Variants in MAP2 observed in about 807,000 individuals in gnomAD.
The protein encoded by MAP2 is microtubule-associated protein 2.
A neutral mutation model predicts 137.6 loss-of-function variants in MAP2; 14 were observed. That is an observed-to-expected ratio of 0.10 (90% CI 0.07 to 0.16). The LOEUF (loss-of-function observed/expected upper bound fraction) is 0.16. Among genes scored for constraint, MAP2 ranks in the 10% least tolerant of loss-of-function variants. The pLI is 1.00. For missense variants in MAP2, 2,088 were observed against 2,191.5 expected, an observed-to-expected ratio of 0.95 and a Z score of 0.94; for synonymous variants, 786 against 782.3, an observed-to-expected ratio of 1.00 and a Z score of -0.08.
intron 1 of MAP2, among the ~76,000 whole-genome samples, chr2:209,502,004 A>T (rs769546948): frequency 6.6e-6 from 1 of 151,900 alleles, no homozygotes; most frequent in Non-Finnish European, 1.5e-5. Context: ...AGTGTGCAAC[A>T]TGTTTTGATA....
intron 3 of MAP2, among the ~76,000 whole-genome samples, chr2:209,619,509 T>C (rs936778789): frequency 6.6e-6 from 1 of 152,154 alleles, no homozygotes; most frequent in Admixed American, 6.5e-5. Context: ...TCTTCAGCTA[T>C]ATTCTGATGC....
chr2:209,641,942 G>A (rs915462144), intron 4 of MAP2, among the ~76,000 whole-genome samples: 2 of 152,134 alleles, frequency 1.3e-5, no homozygotes, highest in Non-Finnish European at 2.9e-5. Flanking sequence ...GTTATCTGGA[G>A]TGGATTCTCT....
intron 3 of MAP2, among the ~76,000 whole-genome samples, chr2:209,590,342 ATT>A (rs555933816): frequency 1.3e-5 from 2 of 150,718 alleles, no homozygotes; most frequent in Non-Finnish European, 1.5e-5. Context: ...CAAATTAAGA[ATT>A]TTTTTTTTGA....
At chr2:209,540,650 AAAAAAAAAAAAAG>A (rs1380471852) in intron 2 of MAP2, among the ~76,000 whole-genome samples, 1 of 146,592 alleles carries the variant, frequency 6.8e-6, no homozygotes, top group Non-Finnish European at 1.5e-5. Flanking sequence ...AAAAAAAAAA[AAAAAAAAAAAAAG>A]AAGAAAAGAA....
At chr2:209,447,221 G>T (rs1699283662) in intron 1 of MAP2, among the ~76,000 whole-genome samples, 1 of 151,924 alleles carries the variant, frequency 6.6e-6, no homozygotes, top group Non-Finnish European at 1.5e-5. Flanking sequence ...TCATTAAATT[G>T]ATCATGAACT....
intron 4 of MAP2, among the ~76,000 whole-genome samples, chr2:209,645,357 C>A (rs1272738830): frequency 3.9e-5 from 6 of 151,974 alleles, no homozygotes; most frequent in Non-Finnish European, 8.8e-5. Context: ...TATAATAAGT[C>A]ATTTATCATT....
chr2:209,547,570 A>G (rs559865324), intron 2 of MAP2, among the ~76,000 whole-genome samples: 5 of 152,296 alleles, frequency 3.3e-5, no homozygotes, highest in African/African-American at 1.2e-4. Context: ...ATGAATATCA[A>G]TATTGAAGGT....
chr2:209,550,005 A>C (rs1222000820), intron 2 of MAP2, among the ~76,000 whole-genome samples: 3 of 152,220 alleles, frequency 2.0e-5, no homozygotes, highest in African/African-American at 7.2e-5. Flanking sequence ...GCAAAGTGAC[A>C]ATATAGTTTG....
At chr2:209,712,663 A>G (rs1232583106) in intron 13 of MAP2, among the ~76,000 whole-genome samples, 6 of 152,196 alleles carry the variant, frequency 3.9e-5, no homozygotes, top group South Asian at 2.1e-4. Context: ...TAGGAAAAAC[A>G]TATCATTCAA....
At chr2:209,727,834 A>G (rs952431218) in intron 14 of MAP2, among the ~76,000 whole-genome samples, 11 of 152,342 alleles carry the variant, frequency 7.2e-5, no homozygotes, top group Non-Finnish European at 1.5e-4. Flanking sequence ...TAACAGTTGC[A>G]TAAGAATTTC....
At chr2:209,571,205 T>C (rs1358609357) in intron 2 of MAP2, among the ~76,000 whole-genome samples, 1 of 151,938 alleles carries the variant, frequency 6.6e-6, no homozygotes, top group East Asian at 1.9e-4. Flanking sequence ...TCCTAAAACT[T>C]ATGAATGAAG....
intron 1 of MAP2, among the ~76,000 whole-genome samples, chr2:209,441,290 T>C (rs1333032752): frequency 6.6e-6 from 1 of 151,260 alleles, no homozygotes; most frequent in Non-Finnish European, 1.5e-5. Flanking sequence ...TTTTCTTCAC[T>C]AATGTACATA....
chr2:209,528,785 T>C (rs1445147890), intron 2 of MAP2, among the ~76,000 whole-genome samples: 1 of 142,012 alleles, frequency 7.0e-6, no homozygotes, highest in Non-Finnish European at 1.5e-5. Context: ...TACATATGTA[T>C]GTATATATGT....
At chr2:209,649,364 G>A (rs543111422) in intron 4 of MAP2, among the ~76,000 whole-genome samples, 1 of 152,104 alleles carries the variant, frequency 6.6e-6, no homozygotes, top group African/African-American at 2.4e-5. Context: ...AGAGATTTGG[G>A]TAAAAATAAT....
chr2:209,593,837 T>C (rs1256784971), intron 3 of MAP2, among the ~76,000 whole-genome samples: 2 of 103,822 alleles, frequency 1.9e-5, no homozygotes, highest in Non-Finnish European at 3.6e-5. Flanking sequence ...ATTTATATTA[T>C]ATTATAATAT....
intron 2 of MAP2, among the ~76,000 whole-genome samples, chr2:209,546,061 T>C (rs2067995696): frequency 6.6e-6 from 1 of 152,134 alleles, no homozygotes; most frequent in Non-Finnish European, 1.5e-5. Flanking sequence ...GAGAATGGCG[T>C]GAACCCGGGA....
At chr2:209,685,541 A>G (rs1216493009) in intron 7 of MAP2, among the ~76,000 whole-genome samples, 1 of 152,154 alleles carries the variant, frequency 6.6e-6, no homozygotes, top group Non-Finnish European at 1.5e-5. Context: ...GGTCTTAAAC[A>G]GAGACTTGGA....
intron 2 of MAP2, among the ~76,000 whole-genome samples, chr2:209,558,576 T>G (rs1431055238): frequency 6.6e-6 from 1 of 151,434 alleles, no homozygotes; most frequent in Non-Finnish European, 1.5e-5. Flanking sequence ...GACATTCTCA[T>G]TACTACAATA....
intron 1 of MAP2, among the ~76,000 whole-genome samples, chr2:209,497,230 G>C (rs977901614): frequency 6.6e-6 from 1 of 152,194 alleles, no homozygotes; most frequent in Non-Finnish European, 1.5e-5. Context: ...AGTCATCAGA[G>C]TGGGGCCCTA....
Sources: gnomAD v4.1 joint callset for allele counts (sites outside exome capture counted in the v4.1 genomes callset) on GRCh38, gnomAD v4.1.1 for gene constraint, MANE v1.5 for transcripts, NCBI Gene and HGNC (gene_info 2026-07-23, HGNC 2026-07-21) for gene names.